The following GSTCD variants were observed in gnomAD, a reference collection of about 807,000 sequenced individuals.
GSTCD encodes the protein glutathione S-transferase C-terminal domain-containing protein.
In GSTCD, 44 loss-of-function variants were observed where a neutral mutation model predicts 68.3. That is an observed-to-expected ratio of 0.64 (90% CI 0.51 to 0.83). The LOEUF is 0.83. GSTCD is among the 40% of genes least tolerant of loss of function. The pLI, the probability that GSTCD is intolerant of heterozygous loss-of-function variation, is 0.00. For synonymous variants in GSTCD, 273 were observed against 255.2 expected (o/e 1.07, Z -0.67); for missense variants, 739 against 735.9 (o/e 1.00, Z -0.05).
chr4:105,762,938 A>C (rs1020049245), intron 5 of GSTCD, among the ~76,000 whole-genome samples: 1 of 152,196 alleles, frequency 6.6e-6, no homozygotes, highest in Non-Finnish European at 1.5e-5. Context: ...TCTCACTTAA[A>C]AAATATATTT....
chr4:105,749,950 A>AT (rs1733950251), intron 5 of GSTCD, among the ~76,000 whole-genome samples: 4 of 152,230 alleles, frequency 2.6e-5, no homozygotes, highest in Non-Finnish European at 5.9e-5. Flanking sequence ...GGATCAAGAT[A>AT]TATAAAGAGT....
At chr4:105,731,039 G>A (rs542579240) in intron 5 of GSTCD, among the ~76,000 whole-genome samples, 1 of 152,160 alleles carries the variant, frequency 6.6e-6, no homozygotes, top group Non-Finnish European at 1.5e-5. Flanking sequence ...TCAGATGGTT[G>A]TAGATGTGTG....
chr4:105,735,576 C>T lies in GSTCD; in HGVS notation c.1240+6077C>T, dbSNP rs537327730. On this transcript the variant is annotated intron_variant, in intron 5 of 11. Coordinates refer to ENST00000515279, the MANE Select transcript of GSTCD (RefSeq NM_001370181.1). ...CAATTTTCCGGGTGCTGTGTGTCAC[C>T]GCTTCCCTTGGCTAGGAAAGGGAAT... Among the ~76,000 whole-genome samples the T allele has an allele frequency of 5.9e-5, 9 of 152,256 alleles. No individual in the cohort carries two copies. In the South Asian group the frequency reaches 8.3e-4, roughly 14 times the overall value.
At chr4:105,799,769 A>G (rs111790479) in intron 5 of GSTCD, among the ~76,000 whole-genome samples, 9 of 152,064 alleles carry the variant, frequency 5.9e-5, no homozygotes, top group African/African-American at 1.9e-4. Context: ...TAAAGTGAAC[A>G]CATGCTGTTG....
In GSTCD at chr4:105,789,992, A is replaced by C. The variant is rs561480091; in HGVS notation, c.1241-32962A>C. Among the ~76,000 whole-genome samples, 82 of 152,078 alleles carry C rather than the reference A, an allele frequency of 5.4e-4. 1 individual carries two copies. Among genetic ancestry groups the C allele is most frequent in the Admixed American group, 2.6e-4 (4 of 15,272 alleles). On this transcript the variant is annotated intron_variant, in intron 5 of 11. Transcript: ENST00000515279. ...CTTTTTGAGAGGATAAATTACTTTT[A>C]ATTCACTGCAACTCACCAGATTACT...
intron 5 of GSTCD, among the ~76,000 whole-genome samples, chr4:105,735,564 G>T (rs932366469): frequency 3.3e-5 from 5 of 152,136 alleles, no homozygotes; most frequent in Admixed American, 1.3e-4. Flanking sequence ...TTTTCCGGGT[G>T]CTGTGTGTCA....
At chr4:105,768,178 C>A (rs1334914796) in intron 5 of GSTCD, among the ~76,000 whole-genome samples, 1 of 151,996 alleles carries the variant, frequency 6.6e-6, no homozygotes, top group Non-Finnish European at 1.5e-5. Flanking sequence ...CAGGCGCCCA[C>A]CACCACGCCC....
At position 105,717,838 on chromosome 4, in the gene GSTCD, T is replaced by G; in HGVS notation, c.225T>G (p.Ile75Met). The G allele has an allele frequency of 6.2e-7, 1 of 1,614,116 alleles. No homozygotes were observed. The highest frequency in any genetic ancestry group is 8.5e-7 in the Non-Finnish European group (1 of 1,179,990). The change falls in exon 2 of 12, where the codon ATT (isoleucine) becomes ATG (methionine). Residue 75 changes from isoleucine (I) to methionine (M), a missense_variant. By Grantham distance (10) the Ile-to-Met change is conservative. Transcript: ENST00000515279. ...DDLIQDVEIQ[I>M]ISRQELPPIV... is the part of the protein sequence containing the mutation. Reference sequence around the variant, plus strand: ...TGATCCAGGATGTTGAAATACAGATTATTTCAAGGCAGGAGCTCCCACCAA... The same window carrying G: ...TGATCCAGGATGTTGAAATACAGATGATTTCAAGGCAGGAGCTCCCACCAA...
At chr4:105,724,902 T>C (rs971660715) in intron 3 of GSTCD, among the ~76,000 whole-genome samples, 1 of 152,016 alleles carries the variant, frequency 6.6e-6, no homozygotes, top group Non-Finnish European at 1.5e-5. Context: ...CAATTAACTC[T>C]CTATATGCAG....
At chr4:105,808,978 C>G (rs567747992) in intron 5 of GSTCD, among the ~76,000 whole-genome samples, 1 of 151,932 alleles carries the variant, frequency 6.6e-6, no homozygotes, top group South Asian at 2.1e-4. Context: ...CTCCAAAGCA[C>G]AAAAGTAATG....
At chr4:105,803,637 G>C (rs1332661361) in intron 5 of GSTCD, among the ~76,000 whole-genome samples, 1 of 151,608 alleles carries the variant, frequency 6.6e-6, no homozygotes, top group Non-Finnish European at 1.5e-5. Context: ...TATCCCAAAT[G>C]ACTATCCACA....
chr4:105,816,939 G>C (rs1207078774), intron 5 of GSTCD, among the ~76,000 whole-genome samples: 1 of 151,986 alleles, frequency 6.6e-6, no homozygotes, highest in African/African-American at 2.4e-5. Flanking sequence ...CAACCTGACA[G>C]AGTTTTGAGG....
chr4:105,833,011 C>T (rs1723956160), intron 8 of GSTCD, among the ~76,000 whole-genome samples: 1 of 152,150 alleles, frequency 6.6e-6, no homozygotes, highest in Non-Finnish European at 1.5e-5. Context: ...ATGACAGCAA[C>T]ATGGAGATTG....
At chr4:105,743,825 A>AT (rs1215284864) in intron 5 of GSTCD, among the ~76,000 whole-genome samples, 2 of 150,982 alleles carry the variant, frequency 1.3e-5, no homozygotes, top group Non-Finnish European at 3.0e-5. Context: ...CGCCCGGCTA[A>AT]TTTTTTTTGT....
intron 7 of GSTCD, 187 bp downstream of exon 7, chr4:105,823,462 G>A: frequency 2.2e-6 from 1 of 459,386 alleles, no homozygotes; most frequent in Non-Finnish European, 3.8e-6. Context: ...AGTAAAGTAA[G>A]ATCATAAAAC....
intron 5 of GSTCD, among the ~76,000 whole-genome samples, chr4:105,744,157 T>G (rs1239274637): frequency 6.6e-6 from 1 of 152,192 alleles, no homozygotes; most frequent in Non-Finnish European, 1.5e-5. Flanking sequence ...AGAATGTCTC[T>G]CAATTTGGAT....
chr4:105,825,841 TAAG>T, intron 8 of GSTCD, 41 bp downstream of exon 8: 1 of 1,257,872 alleles, frequency 7.9e-7, no homozygotes, highest in Non-Finnish European at 1.1e-6. Flanking sequence ...ATTAGCTAAA[TAAG>T]AAAAATTACA....
chr4:105,743,278 C>T (rs1003414770), intron 5 of GSTCD, among the ~76,000 whole-genome samples: 8 of 151,964 alleles, frequency 5.3e-5, no homozygotes, highest in East Asian at 1.9e-4. Context: ...GTATTTTGTA[C>T]TTGTATTATG....
chr4:105,797,678 C>T (rs1010514436), intron 5 of GSTCD, among the ~76,000 whole-genome samples: 5 of 151,200 alleles, frequency 3.3e-5, no homozygotes, highest in African/African-American at 1.2e-4. Context: ...ATGAAGTTTA[C>T]TGCATGGATT....
Sources: allele counts gnomAD v4.1 joint callset (sites outside exome capture counted in the v4.1 genomes callset), GRCh38; gene constraint gnomAD v4.1.1; transcripts MANE v1.5; gene names NCBI Gene and HGNC (gene_info 2026-07-23, HGNC 2026-07-21).